MAP2: variants seen among roughly 807,000 people sequenced by gnomAD.
MAP2 encodes the protein microtubule associated protein 2, also known as microtubule-associated protein 2.
In MAP2, 14 loss-of-function variants were observed where a neutral mutation model predicts 137.6. The ratio of observed to expected loss-of-function variants is 0.10; its 90% confidence interval spans 0.07 to 0.16. The LOEUF (loss-of-function observed/expected upper bound fraction) is 0.16. Ranked by LOEUF, MAP2 falls within the 10% of genes least tolerant of loss-of-function variation. The pLI is 1.00. For synonymous variants in MAP2, 786 were observed against 782.3 expected, an observed-to-expected ratio of 1.00 and a Z score of -0.08; for missense variants, 2,088 against 2,191.5, an observed-to-expected ratio of 0.95 and a Z score of 0.94.
At chr2:209,690,927 C>T (rs182264019) in intron 7 of MAP2, 188 of 1,146,846 alleles carry the variant, frequency 1.6e-4, no homozygotes, top group Non-Finnish European at 2.0e-4. Context: ...GCCTTTCCAA[C>T]GCTATTTCGC....
Position 209,653,687 on chromosome 2 carries a change from T to G in MAP2, c.262+255T>G, listed in dbSNP as rs562221241. 2.6e-5 allele frequency among the ~76,000 whole-genome samples: 4 copies of G among 152,314 alleles called. No homozygotes were observed. The East Asian group carries it at 7.7e-4, about 29-fold the overall frequency. On this transcript the variant is annotated intron_variant, in intron 5 of 15. Transcript: ENST00000682079. ...TTTTTGCAGGCTGAGTATATGTATG[T>G]TTTGCTAGAAACTGTCAGCATTTTA...
At chr2:209,567,345 A>G (rs564971043) in intron 2 of MAP2, among the ~76,000 whole-genome samples, 34 of 152,218 alleles carry the variant, frequency 2.2e-4, no homozygotes, top group African/African-American at 7.2e-4. Context: ...TTCCGTAACT[A>G]TTTTCCTTGA....
chr2:209,454,087 CT>C (rs1343787346), intron 1 of MAP2, among the ~76,000 whole-genome samples: 1 of 135,964 alleles, frequency 7.4e-6, no homozygotes, highest in Non-Finnish European at 1.5e-5. Flanking sequence ...GGAGGCGGAG[CT>C]TGCAGTGAGC....
At position 209,693,819 on chromosome 2, in the gene MAP2, T is replaced by G. The variant is rs570157143; in HGVS notation, c.1649T>G (p.Val550Gly). 1 of 1,613,850 alleles carries G rather than the reference T, an allele frequency of 6.2e-7. No homozygotes were observed. Among genetic ancestry groups the G allele is most frequent in the East Asian group, 2.2e-5 (1 of 44,858 alleles). ...RVDDKDKIEG[V>G]GAATSAELDM... ...GATGACAAAGATAAGATTGAAGGAG[T>G]TGGAGCTGCAACATCAGCTGAGCTT... The change falls in exon 8 of 16, where the codon GTT becomes GGT. Residue 550 changes from valine to glycine, a missense_variant. Val to Gly is a moderately radical substitution (Grantham distance 109, BLOSUM62 -3). This residue lies in a region of MAP2 where 859 missense variants were observed against 794.5 expected (regional missense o/e 1.08). Coordinates refer to ENST00000682079, the MANE Select transcript of MAP2 (RefSeq NM_001375505.1).
At chr2:209,605,454 A>T (rs2084363769) in intron 3 of MAP2, among the ~76,000 whole-genome samples, 1 of 152,198 alleles carries the variant, frequency 6.6e-6, no homozygotes, top group Admixed American at 6.6e-5. Flanking sequence ...ATCTTATAAA[A>T]ATAAGGTTAT....
At chr2:209,702,930 A>G (rs530394804) in intron 11 of MAP2, among the ~76,000 whole-genome samples, 1 of 152,256 alleles carries the variant, frequency 6.6e-6, no homozygotes, top group African/African-American at 2.4e-5. Context: ...TAATTATTTG[A>G]AGATAATAAT....
intron 1 of MAP2, among the ~76,000 whole-genome samples, chr2:209,451,581 C>G (rs1251982792): frequency 6.6e-6 from 1 of 152,148 alleles, no homozygotes; most frequent in Non-Finnish European, 1.5e-5. Flanking sequence ...GTTGCAACAT[C>G]CCTCCTTGGT....
rs10205924 is a variant in MAP2 at position 209,625,555 on chromosome 2, A to G, written c.-30+426A>G. Among the ~76,000 whole-genome samples the G allele has an allele frequency of 9.8e-3, 1,485 of 152,268 alleles. 26 individuals are homozygous for G. Among genetic ancestry groups the G allele is most frequent in the African/African-American group, 0.034 (1,424 of 41,560 alleles). On this transcript the variant is annotated intron_variant, in intron 4 of 15. Transcript: ENST00000682079. Reference sequence around the variant, plus strand: ...CATCCCCATTTTAGAGATTAGGGGCATGAGGCAGAGAGAGAAGCAGGTGGA... The same window carrying G: ...CATCCCCATTTTAGAGATTAGGGGCGTGAGGCAGAGAGAGAAGCAGGTGGA...
chr2:209,513,056 A>G (rs898858753), intron 2 of MAP2, among the ~76,000 whole-genome samples: 2 of 152,186 alleles, frequency 1.3e-5, no homozygotes, highest in Non-Finnish European at 2.9e-5. Context: ...ACTAAACAGC[A>G]TATTGCACAA....
At position 209,710,426 on chromosome 2, in the gene MAP2, G is replaced by A. The variant is rs185408103; in HGVS notation, c.5073+172G>A. ...AGGAAGATAGCCTCTGAAATACAAC[G>A]AAAATCACATGACATGCCCATTCCT... On this transcript the variant is annotated intron_variant, in intron 13 of 15. Transcript: ENST00000682079. 28 of 617,262 alleles carry A rather than the reference G, an allele frequency of 4.5e-5. No homozygotes were observed. The African/African-American group carries it at 4.8e-4, about 11-fold the overall frequency. The allele number at this position is 617,262 out of a possible 1,614,324, so 38.2% of individuals were successfully genotyped here.
intron 4 of MAP2, among the ~76,000 whole-genome samples, chr2:209,647,588 C>G (rs1270282400): frequency 6.6e-6 from 1 of 152,138 alleles, no homozygotes; most frequent in East Asian, 1.9e-4. Context: ...GAAATCTGAT[C>G]AATACCAAGT....
chr2:209,695,774 G>C lies in MAP2; in HGVS notation c.3604G>C (p.Glu1202Gln), dbSNP rs143629615. 8 of 1,613,758 alleles carry C rather than the reference G, an allele frequency of 5.0e-6. No homozygotes were observed. Among genetic ancestry groups the C allele is most frequent in the Non-Finnish European group, 5.9e-6 (7 of 1,179,990 alleles). The change falls in exon 8 of 16, where the codon GAA (glutamate) becomes CAA (glutamine). Residue 1202 changes from glutamate (E) to glutamine (Q), a missense_variant. Glu to Gln is a conservative substitution (Grantham distance 29). This residue lies in a region of MAP2 where 591 missense variants were observed against 642.6 expected (regional missense o/e 0.92). Coordinates refer to ENST00000682079, the MANE Select transcript of MAP2 (RefSeq NM_001375505.1). Reference sequence around the variant, plus strand: ...GATGGAATTTATTCAGGGGCCAAAAGAAGAAAGCAAAGAGACCCCAGATAT... The same window carrying C: ...GATGGAATTTATTCAGGGGCCAAAACAAGAAAGCAAAGAGACCCCAGATAT... ...VQMEFIQGPK[E>Q]ESKETPDISI...
intron 1 of MAP2, among the ~76,000 whole-genome samples, chr2:209,424,683 G>C (rs1268982867): frequency 6.6e-6 from 1 of 152,186 alleles, no homozygotes; most frequent in African/African-American, 2.4e-5. Context: ...GGATTTTTTT[G>C]TTCATCCAGC....
intron 10 of MAP2, 118 bp from the exon 11 acceptor site, chr2:209,700,159 C>A: frequency 1.4e-6 from 1 of 714,900 alleles, no homozygotes. Context: ...TCATAATAAG[C>A]AAACTTTTGC....
intron 2 of MAP2, among the ~76,000 whole-genome samples, chr2:209,530,077 ACCCAGATGCTCTCTGTATTTTTG>A (rs1173164951): frequency 6.6e-6 from 1 of 152,070 alleles, no homozygotes; most frequent in Non-Finnish European, 1.5e-5. Context: ...ATCATCAGGG[ACCCAGATGCTCTCTGTATTTTTG>A]CCCTGCTGTC....
intron 2 of MAP2, among the ~76,000 whole-genome samples, chr2:209,564,556 T>TAAA (rs757367849): frequency 4.5e-4 from 25 of 55,992 alleles, no homozygotes; most frequent in African/African-American, 8.1e-4. Flanking sequence ...CTCTGTGGAG[T>TAAA]AAAAAAAAAA....
intron 2 of MAP2, among the ~76,000 whole-genome samples, chr2:209,555,555 T>A (rs536483469): frequency 2.6e-5 from 4 of 152,312 alleles, no homozygotes; most frequent in Non-Finnish European, 4.4e-5. Flanking sequence ...AAAGTTCTAG[T>A]TTTTTAGTAA....
At chr2:209,631,628 C>T (rs1316437971) in intron 4 of MAP2, among the ~76,000 whole-genome samples, 1 of 151,802 alleles carries the variant, frequency 6.6e-6, no homozygotes, top group Non-Finnish European at 1.5e-5. Flanking sequence ...CATAATCTAA[C>T]TGCAGCATAA....
chr2:209,697,148 C>A, intron 10 of MAP2, 97 bp downstream of exon 10: 1 of 1,272,868 alleles, frequency 7.9e-7, no homozygotes. Context: ...TGTTTTTCTT[C>A]CAAGAATCTC....
Sources: allele counts gnomAD v4.1 joint callset (sites outside exome capture counted in the v4.1 genomes callset), GRCh38; gene constraint gnomAD v4.1.1; regional missense constraint gnomAD v4.1.1; transcripts MANE v1.5; gene names NCBI Gene and HGNC (gene_info 2026-07-23, HGNC 2026-07-21).